Variants in CPQ observed in about 807,000 individuals in gnomAD.
The protein encoded by CPQ is carboxypeptidase Q.
Under a neutral mutation model 45.7 loss-of-function variants are expected in CPQ, and 37 were observed. That is an observed-to-expected ratio of 0.81 (90% CI 0.62 to 1.07). CPQ has a LOEUF of 1.07. Among genes scored for constraint, CPQ ranks in the 50% least tolerant of loss-of-function variants. CPQ has a pLI of 0.00. For synonymous variants in CPQ, 186 were observed against 205.8 expected, an observed-to-expected ratio of 0.90 and a Z score of 0.82; for missense variants, 537 against 572.9, an observed-to-expected ratio of 0.94 and a Z score of 0.64.
intron 5 of CPQ, among the ~76,000 whole-genome samples, chr8:97,004,022 T>G (rs1443684971): frequency 6.6e-6 from 1 of 152,180 alleles, no homozygotes; most frequent in Non-Finnish European, 1.5e-5. Context: ...GACATCTTTT[T>G]CTTTAACTCT....
chr8:96,745,717 A>AT (rs1810170811), intron 1 of CPQ, among the ~76,000 whole-genome samples: 1 of 152,236 alleles, frequency 6.6e-6, no homozygotes, highest in African/African-American at 2.4e-5. Context: ...ACTGAATTAC[A>AT]TCACAGAGAG....
chr8:97,069,477 AAAAAAAAAAG>A (rs1422249969), intron 7 of CPQ, among the ~76,000 whole-genome samples: 2 of 151,796 alleles, frequency 1.3e-5, no homozygotes, highest in Admixed American at 6.6e-5. Flanking sequence ...CTCTAAAAAA[AAAAAAAAAAG>A]AAAAGGATGA....
chr8:97,136,435 C>G (rs750106427), intron 7 of CPQ, among the ~76,000 whole-genome samples: 1 of 152,130 alleles, frequency 6.6e-6, no homozygotes, highest in Non-Finnish European at 1.5e-5. Flanking sequence ...TAATTGAGTA[C>G]CTATTAATCC....
At chr8:97,067,413 A>G (rs1443189727) in intron 7 of CPQ, among the ~76,000 whole-genome samples, 2 of 152,208 alleles carry the variant, frequency 1.3e-5, no homozygotes, top group African/African-American at 4.8e-5. Context: ...TACACATAGG[A>G]TGCCTAACAT....
At chr8:96,996,087 G>C (rs567425847) in intron 5 of CPQ, among the ~76,000 whole-genome samples, 87 of 152,138 alleles carry the variant, frequency 5.7e-4, no homozygotes, top group African/African-American at 1.9e-3. Context: ...GTGGACGATG[G>C]TGTTAAGTGT....
chr8:96,961,875 A>G (rs1402425869), intron 4 of CPQ, among the ~76,000 whole-genome samples: 1 of 151,548 alleles, frequency 6.6e-6, no homozygotes, highest in African/African-American at 2.4e-5. Context: ...CTCTGAGGCT[A>G]TTTCCTCTCC....
chr8:96,840,863 A>C (rs2130852984), intron 3 of CPQ, among the ~76,000 whole-genome samples: 1 of 152,314 alleles, frequency 6.6e-6, no homozygotes, highest in East Asian at 1.9e-4. Flanking sequence ...AAATTTAAAA[A>C]TCTTAAGTTT....
chr8:97,078,889 C>T (rs1234769864), intron 7 of CPQ, among the ~76,000 whole-genome samples: 1 of 151,146 alleles, frequency 6.6e-6, no homozygotes, highest in Non-Finnish European at 1.5e-5. Flanking sequence ...CCTCAAACTC[C>T]TGTGCTCAAG....
intron 7 of CPQ, among the ~76,000 whole-genome samples, chr8:97,140,411 G>A (rs1434186854): frequency 6.6e-6 from 1 of 151,826 alleles, no homozygotes; most frequent in Non-Finnish European, 1.5e-5. Context: ...ATACATCCTT[G>A]ATACTAAAAC....
chr8:96,994,877 A>G (rs1809152243), intron 5 of CPQ, among the ~76,000 whole-genome samples: 2 of 152,100 alleles, frequency 1.3e-5, no homozygotes, highest in South Asian at 4.1e-4. Flanking sequence ...TATTCAGGAT[A>G]TGCTAAGTGC....
intron 1 of CPQ, among the ~76,000 whole-genome samples, chr8:96,725,911 A>G (rs763912679): frequency 3.9e-5 from 6 of 152,216 alleles, no homozygotes; most frequent in African/African-American, 9.6e-5. Flanking sequence ...GCCATAAAAA[A>G]TAAATAATGA....
chr8:96,817,373 A>G (rs939802831), intron 2 of CPQ, among the ~76,000 whole-genome samples: 2 of 152,148 alleles, frequency 1.3e-5, no homozygotes, highest in African/African-American at 4.8e-5. Flanking sequence ...AGGTTATCAT[A>G]ACAGATATAG....
chr8:96,738,767 G>A (rs896808557), intron 1 of CPQ, among the ~76,000 whole-genome samples: 44 of 152,174 alleles, frequency 2.9e-4, no homozygotes, highest in African/African-American at 9.6e-4. Flanking sequence ...AATTTCATCC[G>A]TGTCCCTACA....
chr8:96,652,990 G>A (rs1180985762), intron 1 of CPQ, among the ~76,000 whole-genome samples: 1 of 152,130 alleles, frequency 6.6e-6, no homozygotes, highest in African/African-American at 2.4e-5. Flanking sequence ...GGAGTACAGG[G>A]GCGTGATCTT....
intron 3 of CPQ, 114 bp downstream of exon 3, chr8:96,835,294 G>A: frequency 1.2e-6 from 1 of 815,126 alleles, no homozygotes; most frequent in Non-Finnish European, 1.8e-6. Flanking sequence ...TGTTCATGGA[G>A]TTTCCCCCCC....
intron 3 of CPQ, among the ~76,000 whole-genome samples, chr8:96,844,107 T>G (rs1048977210): frequency 6.6e-6 from 1 of 152,204 alleles, no homozygotes; most frequent in Non-Finnish European, 1.5e-5. Flanking sequence ...TTTCTGAATC[T>G]CTAGTGGCAA....
intron 7 of CPQ, among the ~76,000 whole-genome samples, chr8:97,128,434 C>T (rs1016671903): frequency 7.2e-5 from 11 of 152,178 alleles, no homozygotes; most frequent in Admixed American, 5.2e-4. Context: ...CCTGTAATCC[C>T]AGCACTTTGG....
chr8:96,962,129 C>T (rs938371475), intron 4 of CPQ, among the ~76,000 whole-genome samples: 6 of 152,148 alleles, frequency 3.9e-5, no homozygotes, highest in South Asian at 2.1e-4. Context: ...TGTTCGACTG[C>T]GGTGTATTCT....
At chr8:97,127,637 C>T (rs1005508654) in intron 7 of CPQ, among the ~76,000 whole-genome samples, 2 of 151,926 alleles carry the variant, frequency 1.3e-5, no homozygotes, top group African/African-American at 2.4e-5. Context: ...TGCAGTAAGC[C>T]GAGATTTCGC....
Sources: gnomAD v4.1 joint callset for allele counts (sites outside exome capture counted in the v4.1 genomes callset) on GRCh38, gnomAD v4.1.1 for gene constraint, MANE v1.5 for transcripts, NCBI Gene and HGNC (gene_info 2026-07-23, HGNC 2026-07-21) for gene names.